The following WDFY4 variants were observed in gnomAD, a reference collection of about 807,000 sequenced individuals.
The protein encoded by WDFY4 is WD repeat- and FYVE domain-containing protein 4.
A neutral mutation model predicts 351.9 loss-of-function variants in WDFY4; 169 were observed. The observed-to-expected ratio is 0.48, with a 90% CI of 0.42 to 0.55. WDFY4 has a LOEUF of 0.55. Ranked by LOEUF, WDFY4 falls within the 20% of genes least tolerant of loss-of-function variation. WDFY4 has a pLI of 0.00. For synonymous variants in WDFY4, 1,622 were observed against 1,574.6 expected (o/e 1.03, Z -0.71); for missense variants, 3,803 against 3,935.6 (o/e 0.97, Z 0.90).
rs139722198 is a variant in WDFY4 at position 48,914,049 on chromosome 10, T to C, written c.7586+12186T>C. The C allele has an allele frequency of 4.6e-4, 740 of 1,614,236 alleles. 7 individuals carry two copies. In the African/African-American group the frequency reaches 8.1e-3, roughly 18 times the overall value. On this transcript the variant is annotated intron_variant, in intron 47 of 61. Coordinates refer to ENST00000325239, the MANE Select transcript of WDFY4 (RefSeq NM_001394531.1). ...CTTGGGGAAGGTGGTAATTCCCATCTTGCTCAAGTCAAGGCGCTTTTTCCC... is the reference window on the plus strand; with the variant it reads ...CTTGGGGAAGGTGGTAATTCCCATCCTGCTCAAGTCAAGGCGCTTTTTCCC...
Position 48,897,586 on chromosome 10 carries a change from G to T in WDFY4, c.7437+12G>T. The T allele has an allele frequency of 6.5e-7, 1 of 1,543,478 alleles. No homozygotes were observed. The stretch of plus-strand genomic sequence containing the variant: ...GCTTCCTCCTGCAGGTAAGCACACT[G>T]GGTGCTGGCACGCCTGGGGCCTGCG... On this transcript the variant is annotated intron_variant, in intron 45 of 61. Coordinates refer to ENST00000325239, the MANE Select transcript of WDFY4 (RefSeq NM_001394531.1).
chr10:48,878,486 G>A (rs1313680363), intron 43 of WDFY4: 1 of 152,236 alleles, frequency 6.6e-6, no homozygotes, highest in Non-Finnish European at 1.5e-5. Context: ...TTTCAGATTT[G>A]GGTCACAGTT....
Position 48,820,353 on chromosome 10 carries a change from G to A in WDFY4, c.5625G>A (p.Arg1875=). The A allele has an allele frequency of 6.4e-7, 1 of 1,551,638 alleles. No homozygotes were observed. The highest frequency in any genetic ancestry group is 1.2e-5 in the South Asian group (1 of 84,058). ...TKAHPARRKL[R]EFTQLLLREL... Reference sequence around the variant, plus strand: ...CACATCCCGCCCGGAGGAAGCTGAGGGAGTTCACGCAGCTCCTCTTGAGGG... The same window carrying A: ...CACATCCCGCCCGGAGGAAGCTGAGAGAGTTCACGCAGCTCCTCTTGAGGG... The change falls in exon 33 of 62, where the codon AGG becomes AGA. Residue 1875 remains arginine, a synonymous_variant. Transcript: ENST00000325239.
intron 34 of WDFY4, 148 bp from the exon 35 acceptor site, chr10:48,822,232 G>A: frequency 1.3e-6 from 1 of 749,408 alleles, no homozygotes; most frequent in Non-Finnish European, 1.9e-6. Context: ...TGTGTGTTGG[G>A]CACCTCGTCA....
intron 43 of WDFY4, among the ~76,000 whole-genome samples, chr10:48,882,386 T>C (rs905369477): frequency 2.0e-5 from 3 of 152,214 alleles, no homozygotes; most frequent in Admixed American, 2.0e-4. Flanking sequence ...ATATTATTAT[T>C]AGCAAAATGT....
intron 45 of WDFY4, among the ~76,000 whole-genome samples, chr10:48,898,491 C>T (rs534035130): frequency 1.4e-3 from 217 of 152,278 alleles, no homozygotes; most frequent in African/African-American, 5.0e-3. Flanking sequence ...AGTGCTTGGC[C>T]TAGATGAACT....
chr10:48,764,645 C>G (rs1324095508), intron 13 of WDFY4, among the ~76,000 whole-genome samples: 2 of 152,168 alleles, frequency 1.3e-5, no homozygotes, highest in African/African-American at 4.8e-5. Context: ...TGCTGTGCAC[C>G]AGGCACTCAC....
chr10:48,685,188 C>T (rs1394741828), intron 1 of WDFY4, among the ~76,000 whole-genome samples, 187 bp downstream of exon 1: 1 of 151,944 alleles, frequency 6.6e-6, no homozygotes, highest in Non-Finnish European at 1.5e-5. Context: ...GTGTGTGTGG[C>T]GTGGGGGGCC....
At chr10:48,727,787 G>A in intron 7 of WDFY4, 128 bp downstream of exon 7, 1 of 1,194,642 alleles carries the variant, frequency 8.4e-7, no homozygotes, top group Non-Finnish European at 1.1e-6. Context: ...CCTCTTATTT[G>A]CAAAAGTGAT....
chr10:48,724,039 T>C (rs961064232), intron 5 of WDFY4, among the ~76,000 whole-genome samples: 2 of 152,156 alleles, frequency 1.3e-5, no homozygotes, highest in African/African-American at 2.4e-5. Flanking sequence ...GCAATTTCCT[T>C]CTGTCATTCC....
rs750988967 is a variant in WDFY4 at position 48,814,042 on chromosome 10, C to A, written c.5300C>A (p.Ala1767Asp). Residue 1767 changes from alanine to aspartate, a missense_variant, in exon 31 of 62, where the codon GCC becomes GAC. By Grantham distance (126) the Ala-to-Asp change is moderately radical. Transcript: ENST00000325239. Reference protein sequence around the residue: ...VLQAGLCTEGALLLLEMLKAT... With the variant: ...VLQAGLCTEGDLLLLEMLKAT... ...CAGGCTGGGCTGTGCACAGAAGGTG[C>A]CTTGCTCCTCCTGGAAATGCTGAAG... is the stretch of plus-strand genomic sequence containing the variant. 2.6e-6 allele frequency: 4 copies of A among 1,549,744 alleles called. No individual in the cohort carries two copies. The highest frequency in any genetic ancestry group is 1.4e-5 in the African/African-American group (1 of 73,002).
intron 23 of WDFY4, among the ~76,000 whole-genome samples, chr10:48,791,178 C>A (rs955437736): frequency 6.6e-6 from 1 of 152,216 alleles, no homozygotes; most frequent in African/African-American, 2.4e-5. Flanking sequence ...ATTCTAATGT[C>A]ATTTGTGGTT....
At position 48,966,622 on chromosome 10, in the gene WDFY4, C is replaced by T. The variant is rs750177941; in HGVS notation, c.8533C>T (p.Pro2845Ser). 231 of 1,551,820 alleles carry T rather than the reference C, an allele frequency of 1.5e-4. 1 individual carries two copies. The highest frequency in any genetic ancestry group is 2.0e-4 in the Non-Finnish European group (228 of 1,147,048). The change falls in exon 55 of 62, where the codon CCC becomes TCC. Residue 2845 changes from proline (P) to serine (S), a missense_variant. Pro to Ser is a moderately conservative substitution (Grantham distance 74). Around this residue, in one of 3 missense-constraint regions of WDFY4, gnomAD observed 3,054 missense variants for 3,148.6 expected, o/e 0.97. Transcript: ENST00000325239. ...TPVSLPGHPQ[P>S]FFYSLQSLRP... ...CGTGAGCCTGCCTGGCCACCCACAG[C>T]CCTTTTTCTACAGCCTGCAGTCGCT...
chr10:48,865,813 G>A (rs189001236), intron 39 of WDFY4, among the ~76,000 whole-genome samples: 3 of 152,184 alleles, frequency 2.0e-5, no homozygotes, highest in South Asian at 4.1e-4. Context: ...TTGGCAATTT[G>A]TGTCTTTCTA....
At chr10:48,742,755 C>A (rs535974838) in intron 11 of WDFY4, among the ~76,000 whole-genome samples, 7 of 152,120 alleles carry the variant, frequency 4.6e-5, no homozygotes, top group Non-Finnish European at 4.4e-5. Flanking sequence ...TTAAATCAAC[C>A]GTATAGATTA....
intron 47 of WDFY4, among the ~76,000 whole-genome samples, chr10:48,919,345 G>A (rs1238778933): frequency 6.6e-6 from 1 of 152,174 alleles, no homozygotes; most frequent in Non-Finnish European, 1.5e-5. Flanking sequence ...GCGAAGGAAT[G>A]AAAACCCAAA....
At position 48,810,711 on chromosome 10, in the gene WDFY4, A is replaced by G; in HGVS notation, c.5020A>G (p.Thr1674Ala). 6.5e-7 allele frequency: 1 copy of G among 1,546,110 alleles called. No individual in the cohort carries two copies. Among genetic ancestry groups the G allele is most frequent in the East Asian group, 2.4e-5 (1 of 40,866 alleles). ...TGCAGGATCCTGGGTGGAACGCAGC[A>G]CTGAGGGCGTGGATATTGTAATGGG... ...LCAGSWVERS[T>A]EGVDIVMDNL... Residue 1674 changes from threonine (T) to alanine (A), a missense_variant, in exon 29 of 62, where the codon ACT becomes GCT. Thr to Ala is a moderately conservative substitution (Grantham distance 58). Coordinates refer to ENST00000325239, the MANE Select transcript of WDFY4 (RefSeq NM_001394531.1).
intron 43 of WDFY4, among the ~76,000 whole-genome samples, chr10:48,887,958 T>C (rs1299424050): frequency 6.6e-6 from 1 of 152,166 alleles, no homozygotes; most frequent in African/African-American, 2.4e-5. Flanking sequence ...AGTCTGCAAC[T>C]ATTAATAAGA....
At chr10:48,743,572 A>G (rs2064921975) in intron 12 of WDFY4, 24 bp downstream of exon 12, 1 of 1,522,376 alleles carries the variant, frequency 6.6e-7, no homozygotes, top group Non-Finnish European at 8.8e-7. Flanking sequence ...CCAGTGTGTC[A>G]TCAGTGCATC....
Sources: gnomAD v4.1 joint callset for allele counts (sites outside exome capture counted in the v4.1 genomes callset) on GRCh38, gnomAD v4.1.1 for gene constraint, gnomAD v4.1.1 regional missense constraint, MANE v1.5 for transcripts, NCBI Gene and HGNC (gene_info 2026-07-23, HGNC 2026-07-21) for gene names.